The following RPS6KC1 variants were observed in gnomAD, a reference collection of about 807,000 sequenced individuals.
RPS6KC1 encodes ribosomal protein S6 kinase C1, also known as inactive ribosomal protein S6 kinase delta-1.
Under a neutral mutation model 103.8 loss-of-function variants are expected in RPS6KC1, and 54 were observed. That is an observed-to-expected ratio of 0.52 (90% CI 0.42 to 0.65). The LOEUF (loss-of-function observed/expected upper bound fraction) is 0.65. Ranked by LOEUF, RPS6KC1 falls within the 30% of genes least tolerant of loss-of-function variation. The probability of loss-of-function intolerance (pLI) is 0.00; values close to 1 mark genes in which losing one functional copy is unlikely to be tolerated. For missense variants in RPS6KC1, 1,151 were observed against 1,253.8 expected (o/e 0.92, Z 1.24); for synonymous variants, 439 against 438.7 (o/e 1.00, Z -0.01).
chr1:213,518,191 G>C, the RPS6KC1 span, among the ~76,000 whole-genome samples: 1 of 152,100 alleles, frequency 6.6e-6, no homozygotes, highest in African/African-American at 2.4e-5. Flanking sequence ...CGTCATAATG[G>C]GTTTTATGAT....
the RPS6KC1 span, among the ~76,000 whole-genome samples, chr1:213,352,755 C>T: frequency 1.3e-5 from 2 of 152,110 alleles, no homozygotes; most frequent in Non-Finnish European, 2.9e-5. Context: ...TTAATACTAA[C>T]TCTTGGCTGG....
At chr1:213,616,679 C>T in the RPS6KC1 span, among the ~76,000 whole-genome samples, 13 of 152,214 alleles carry the variant, frequency 8.5e-5, no homozygotes, top group East Asian at 1.9e-4. Flanking sequence ...TTAATAGCTA[C>T]GTAACATAGT....
chr1:213,662,993 G>A, the RPS6KC1 span, among the ~76,000 whole-genome samples: 8 of 152,266 alleles, frequency 5.3e-5, no homozygotes, highest in African/African-American at 1.2e-4. Flanking sequence ...GTCCACCCTC[G>A]CTAATATGTT....
chr1:213,277,358 G>T (rs749335675), downstream of RPS6KC1, among the ~76,000 whole-genome samples: 1 of 152,184 alleles, frequency 6.6e-6, no homozygotes, highest in Non-Finnish European at 1.5e-5. Flanking sequence ...CCTATCACAT[G>T]ATTTGCCACC....
the RPS6KC1 span, among the ~76,000 whole-genome samples, chr1:213,688,644 A>G: frequency 6.6e-6 from 1 of 152,208 alleles, no homozygotes; most frequent in Admixed American, 6.5e-5. Flanking sequence ...ACTGCTCCTT[A>G]CATTCAACTC....
chr1:213,267,087 G>A (rs2094929197), intron 14 of RPS6KC1, among the ~76,000 whole-genome samples: 1 of 151,800 alleles, frequency 6.6e-6, no homozygotes, highest in Non-Finnish European at 1.5e-5. Flanking sequence ...GTATAAATGT[G>A]CACAGGAACA....
Position 213,118,801 on chromosome 1 carries a change from A to G in RPS6KC1, c.472+1391A>G, listed in dbSNP as rs1472902071. The stretch of plus-strand genomic sequence containing the variant: ...GCCCAGGGGTCTTCACTGAGTTCTC[A>G]GTATCTTTGACTCCACCCTGATTCT... On this transcript the variant is annotated intron_variant, in intron 5 of 14. Transcript: ENST00000366960. Among the ~76,000 whole-genome samples, 3 of 152,244 alleles carry G rather than the reference A, an allele frequency of 2.0e-5. No individual in the cohort carries two copies. In the South Asian group the frequency reaches 6.2e-4, roughly 32 times the overall value.
At chr1:213,330,387 CT>C in the RPS6KC1 span, among the ~76,000 whole-genome samples, 1 of 152,142 alleles carries the variant, frequency 6.6e-6, no homozygotes, top group African/African-American at 2.4e-5. Flanking sequence ...CTGTTGGAGT[CT>C]AGTAGGGAAG....
chr1:213,431,766 A>T, the RPS6KC1 span, among the ~76,000 whole-genome samples: 8 of 151,884 alleles, frequency 5.3e-5, no homozygotes, highest in Admixed American at 2.6e-4. Flanking sequence ...AGTGTTATGA[A>T]CATTCTTGTA....
At chr1:213,373,125 T>C in the RPS6KC1 span, among the ~76,000 whole-genome samples, 4 of 152,178 alleles carry the variant, frequency 2.6e-5, no homozygotes, top group East Asian at 7.7e-4. Context: ...ATTTGAAAAC[T>C]TTACAGCTTC....
chr1:213,151,004 C>T (rs1358097635), intron 6 of RPS6KC1, among the ~76,000 whole-genome samples: 3 of 121,444 alleles, frequency 2.5e-5, no homozygotes, highest in African/African-American at 6.6e-5. Context: ...TGACCCCCCC[C>T]ACCTCCCTCC....
At chr1:213,788,589 G>A in the RPS6KC1 span, among the ~76,000 whole-genome samples, 5 of 152,060 alleles carry the variant, frequency 3.3e-5, no homozygotes, top group Admixed American at 6.6e-5. Context: ...CAGCAGCTGT[G>A]ATGGAAATGA....
intron 3 of RPS6KC1, among the ~76,000 whole-genome samples, chr1:213,086,144 T>C (rs2080373563): frequency 6.6e-6 from 1 of 152,024 alleles, no homozygotes; most frequent in Non-Finnish European, 1.5e-5. Context: ...TTCCAGCTGG[T>C]ATGGATGAGC....
intron 12 of RPS6KC1, among the ~76,000 whole-genome samples, chr1:213,245,014 G>A (rs947019769): frequency 6.6e-6 from 1 of 152,234 alleles, no homozygotes; most frequent in South Asian, 2.1e-4. Context: ...AAAACAAAAC[G>A]AGTAATGGCC....
At position 213,137,752 on chromosome 1, in the gene RPS6KC1, G is replaced by GCGCTCTCTCTCT. The variant is rs1553340080; in HGVS notation, c.835+7864_835+7865insGCTCTCTCTCTC. 9.5e-3 allele frequency among the ~76,000 whole-genome samples: 116 copies of GCGCTCTCTCTCT among 12,194 alleles called. 1 individual carries two copies. The highest frequency in any genetic ancestry group is 0.02 in the African/African-American group (109 of 5,486). The allele number at this position is 12,194 out of a possible 152,430, so 8.0% of individuals were successfully genotyped here. A position where few individuals can be genotyped will look rare whatever the true frequency, so the allele number is the denominator to read the frequency against. ...CTGTGCTTTGGTTTAAGTCCAGTTT[G>GCGCTCTCTCTCT]CTCTCTCTCTCTCTCTCTCTCTCTC... is the stretch of plus-strand genomic sequence containing the variant. On this transcript the variant is annotated intron_variant, in intron 6 of 14. Coordinates refer to ENST00000366960, the MANE Select transcript of RPS6KC1 (RefSeq NM_012424.6).
the RPS6KC1 span, among the ~76,000 whole-genome samples, chr1:213,795,761 C>T: frequency 1.3e-5 from 2 of 152,096 alleles, no homozygotes; most frequent in Non-Finnish European, 2.9e-5. Flanking sequence ...TTTACTCCTC[C>T]CCTACCTTTA....
the RPS6KC1 span, among the ~76,000 whole-genome samples, chr1:213,580,766 T>G: frequency 7.2e-5 from 11 of 151,972 alleles, no homozygotes; most frequent in African/African-American, 2.7e-4. Flanking sequence ...GTTAGCATTT[T>G]TTTTTGCAAT....
At chr1:213,125,291 A>G (rs754691729) in intron 5 of RPS6KC1, among the ~76,000 whole-genome samples, 5 of 152,112 alleles carry the variant, frequency 3.3e-5, no homozygotes, top group African/African-American at 4.8e-5. Context: ...TTTGCATAAT[A>G]TAAGACACTT....
At chr1:213,073,758 C>A (rs1306207749) in intron 2 of RPS6KC1, among the ~76,000 whole-genome samples, 2 of 152,112 alleles carry the variant, frequency 1.3e-5, no homozygotes, top group African/African-American at 2.4e-5. Context: ...TCACTGCAAC[C>A]TCGGCCTCCC....
Sources: allele counts gnomAD v4.1 joint callset (sites outside exome capture counted in the v4.1 genomes callset), GRCh38; gene constraint gnomAD v4.1.1; transcripts MANE v1.5; gene names NCBI Gene and HGNC (gene_info 2026-07-23, HGNC 2026-07-21).